The following CLEC11A variants were observed in gnomAD, a reference collection of about 807,000 sequenced individuals.
CLEC11A encodes C-type lectin domain containing 11A.
Under a neutral mutation model 33.9 loss-of-function variants are expected in CLEC11A, and 35 were observed. That is an observed-to-expected ratio of 1.03 (90% CI 0.79 to 1.37). The LOEUF is 1.37. Ranked by LOEUF, CLEC11A falls within the 40% of genes most tolerant of loss-of-function variation. The probability of loss-of-function intolerance (pLI) is 0.00; values close to 1 mark genes in which losing one functional copy is unlikely to be tolerated. For synonymous variants in CLEC11A, 220 were observed against 202.2 expected, an observed-to-expected ratio of 1.09 and a Z score of -0.75; for missense variants, 519 against 455.5, an observed-to-expected ratio of 1.14 and a Z score of -1.27.
chr19:50,724,276 C>A lies in CLEC11A; in HGVS notation c.335-134C>A, dbSNP rs2089165898. 8 of 1,245,108 alleles carry A rather than the reference C, an allele frequency of 6.4e-6. No homozygotes were observed. Among genetic ancestry groups the A allele is most frequent in the Non-Finnish European group, 8.7e-6 (8 of 922,586 alleles). 77.1% of individuals were successfully genotyped at this position (1,245,108 alleles called of 1,614,324 possible). On this transcript the variant is annotated intron_variant, in intron 2 of 3. Transcript: ENST00000250340. This position sits in a 1 kb window ranked among gnomAD's most constrained non-coding sequence, Gnocchi z 4.1. Reference sequence around the variant, plus strand: ...TAAAGGCCTGGGCCACTCGACCCTACCTTCCAGGAGTCCGGGGTGCCCCCC... The same window carrying A: ...TAAAGGCCTGGGCCACTCGACCCTAACTTCCAGGAGTCCGGGGTGCCCCCC...
rs377763237 is a variant in CLEC11A, at chr19:50,724,449, T to A, written c.374T>A (p.Leu125Gln). 1.7e-5 allele frequency: 27 copies of A among 1,559,468 alleles called. No homozygotes were observed. The highest frequency in any genetic ancestry group is 2.3e-5 in the Non-Finnish European group (27 of 1,158,648). ...GGCCTGGACGCAGGCCTGCACCAGCTGCACGTCCGTCTGCACGCGTTGGAC... is the reference window on the plus strand; with the variant it reads ...GGCCTGGACGCAGGCCTGCACCAGCAGCACGTCCGTCTGCACGCGTTGGAC... The part of the protein sequence containing the change: ...LAGLDAGLHQ[L>Q]HVRLHALDTR... Residue 125 changes from leucine to glutamine, a missense_variant, in exon 3 of 4, where the codon CTG (leucine) becomes CAG (glutamine). Physicochemically the swap from Leu to Gln is moderately radical, Grantham distance 113. Coordinates refer to ENST00000250340, the MANE Select transcript of CLEC11A (RefSeq NM_002975.3). The surrounding 1 kb of genome is among the most constrained non-coding windows in gnomAD (Gnocchi z 4.1).
chr19:50,725,222 C>G lies in CLEC11A; in HGVS notation c.727C>G (p.His243Asp). 1 of 1,597,644 alleles carries G rather than the reference C, an allele frequency of 6.3e-7. No homozygotes were observed. ...CAACTGGCCCGTGTGGCTGGGCGTG[C>G]ACGATCGGCGCGCCGAGGGCCTCTA... is the stretch of plus-strand genomic sequence containing the variant. ...PYNWPVWLGV[H>D]DRRAEGLYLF... The change falls in exon 4 of 4, where the codon CAC (histidine) becomes GAC (aspartate). Residue 243 changes from histidine (H) to aspartate (D), a missense_variant. By Grantham distance (81) the His-to-Asp change is moderately conservative (BLOSUM62 -1). Transcript: ENST00000250340.
chr19:50,723,411 C>A lies in CLEC11A; in HGVS notation c.-115C>A, dbSNP rs1396176871. 1.9e-6 allele frequency: 2 copies of A among 1,052,432 alleles called. No individual in the cohort carries two copies. The highest frequency in any genetic ancestry group is 2.8e-6 in the Non-Finnish European group (2 of 702,250). The allele number at this position is 1,052,432 out of a possible 1,614,324, so 65.2% of individuals were successfully genotyped here. A position where few individuals can be genotyped will look rare whatever the true frequency, so the allele number is the denominator to read the frequency against. On this transcript the variant is annotated 5_prime_UTR_variant, in exon 1 of 4. Transcript: ENST00000250340. The surrounding 1 kb of genome is among the most constrained non-coding windows in gnomAD (Gnocchi z 4.1). ...AGAGAGAAGCTGGGAGAATCGGGAA[C>A]CTGGGGGCTAGTGACCTGCACACAG...
In CLEC11A at chr19:50,723,504, T is replaced by C. The variant is rs1246846918; in HGVS notation, c.-22T>C. 8 of 1,611,406 alleles carry C rather than the reference T, an allele frequency of 5.0e-6. No homozygotes were observed. The highest frequency in any genetic ancestry group is 1.1e-5 in the South Asian group (1 of 90,946). ...CCAGACATCCAGACATCTGGAACTT[T>C]GGGTGCCAAGAGTCCAGCTTAATGC... On this transcript the variant is annotated 5_prime_UTR_variant, in exon 1 of 4. Transcript: ENST00000250340. The surrounding 1 kb of genome is among the most constrained non-coding windows in gnomAD (Gnocchi z 4.1).
In CLEC11A at chr19:50,725,113, G is replaced by A. The variant is rs771592326; in HGVS notation, c.618G>A (p.Ala206=). 26 of 1,537,474 alleles carry A rather than the reference G, an allele frequency of 1.7e-5. No homozygotes were observed. The highest frequency in any genetic ancestry group is 1.7e-4 in the Middle Eastern group (1 of 5,910). The change falls in exon 4 of 4, where the codon GCG becomes GCA. Residue 206 remains alanine, a synonymous_variant. Coordinates refer to ENST00000250340, the MANE Select transcript of CLEC11A (RefSeq NM_002975.3). ...CGGCGGCGCAGGCGCGGTGCACGGC[G>A]CGGGGCGGGAGCCTGGCGCAGCCGG... ...AQAAAQARCT[A]RGGSLAQPAD... is the part of the protein sequence containing the mutation.
rs1305205290 is a variant in CLEC11A at position 50,723,861 on chromosome 19, A to G, written c.148-44A>G. On this transcript the variant is annotated intron_variant, in intron 1 of 3. Transcript: ENST00000250340. This position sits in a 1 kb window ranked among gnomAD's most constrained non-coding sequence, Gnocchi z 4.1. ...TGAGTTGGAAAGGGGTGAATGGGGC[A>G]TCTTGGTGGCAGGCTGGGGCTCACC... 3 of 1,582,050 alleles carry G rather than the reference A, an allele frequency of 1.9e-6. No individual in the cohort carries two copies. In the South Asian group the frequency reaches 3.4e-5, roughly 18 times the overall value.
At position 50,725,151 on chromosome 19, in the gene CLEC11A, A is replaced by G. The variant is rs939980763; in HGVS notation, c.656A>G (p.Gln219Arg). 6 of 1,561,472 alleles carry G rather than the reference A, an allele frequency of 3.8e-6. No homozygotes were observed. Among genetic ancestry groups the G allele is most frequent in the South Asian group, 3.5e-5 (3 of 85,326 alleles). The change falls in exon 4 of 4, where the codon CAG becomes CGG. Residue 219 changes from glutamine to arginine, a missense_variant. Physicochemically the swap from Gln to Arg is conservative, Grantham distance 43. Transcript: ENST00000250340. ...CTGGCGCAGCCGGCAGACCGCCAGC[A>G]GATGGAGGCGCTCACTCGGTACCTG... is the stretch of plus-strand genomic sequence containing the variant. ...GSLAQPADRQ[Q>R]MEALTRYLRA...
Position 50,723,777 on chromosome 19 carries a change from C to T in CLEC11A, c.147+105C>T. 2.6e-6 allele frequency: 4 copies of T among 1,530,450 alleles called. No individual in the cohort carries two copies. Among genetic ancestry groups the T allele is most frequent in the Non-Finnish European group, 3.5e-6 (4 of 1,141,154 alleles). The allele number at this position is 1,530,450 out of a possible 1,614,324, so 94.8% of individuals were successfully genotyped here. A position where few individuals can be genotyped will look rare whatever the true frequency, so the allele number is the denominator to read the frequency against. On this transcript the variant is annotated intron_variant, in intron 1 of 3. Transcript: ENST00000250340. This position sits in a 1 kb window ranked among gnomAD's most constrained non-coding sequence, Gnocchi z 4.1. ...CAATGAGGAGCGATTGGGATAGTCT[C>T]AGAGGAGTGGGAGGGTGATGGGCTC...
rs771427477 is a variant in CLEC11A, at chr19:50,723,958, C to G, written c.201C>G (p.Ala67=). Residue 67 remains alanine (A), a synonymous_variant, in exon 2 of 4, where the codon GCC becomes GCG. Transcript: ENST00000250340. The surrounding 1 kb of genome is among the most constrained non-coding windows in gnomAD (Gnocchi z 4.1). ...CTGGGAGGGGGGATGAGAATCCTGCCGGAACTGTTGAGGGAAAAGAGGACT... is the reference window on the plus strand; with the variant it reads ...CTGGGAGGGGGGATGAGAATCCTGCGGGAACTGTTGAGGGAAAAGAGGACT... The part of the protein sequence containing the change: ...LPAGRGDENP[A]GTVEGKEDWE... 1.2e-6 allele frequency: 2 copies of G among 1,613,330 alleles called. No homozygotes were observed. The highest frequency in any genetic ancestry group is 8.5e-7 in the Non-Finnish European group (1 of 1,179,760).
In CLEC11A at chr19:50,724,422, C is replaced by CCGGCCTGGA. The variant is rs2089166989; in HGVS notation, c.350_358dup (p.Gly117_Asp119dup). ...TGTCTGTCCGCAGTGGGCCGCCTGG[C>CCGGCCTGGA]CGGCCTGGACGCAGGCCTGCACCAG... On this transcript the variant is annotated inframe_insertion, in exon 3 of 4. Coordinates refer to ENST00000250340, the MANE Select transcript of CLEC11A (RefSeq NM_002975.3). This position sits in a 1 kb window ranked among gnomAD's most constrained non-coding sequence, Gnocchi z 4.1. The CCGGCCTGGA allele has an allele frequency of 6.6e-7, 1 of 1,513,706 alleles. No individual in the cohort carries two copies. The allele number at this position is 1,513,706 out of a possible 1,614,324, so 93.8% of individuals were successfully genotyped here. A position where few individuals can be genotyped will look rare whatever the true frequency, so the allele number is the denominator to read the frequency against.
In CLEC11A at chr19:50,724,683, G is replaced by T. The variant is rs1568449921; in HGVS notation, c.526+82G>T. 7.6e-7 allele frequency: 1 copy of T among 1,318,566 alleles called. No homozygotes were observed. The highest frequency in any genetic ancestry group is 9.8e-7 in the Non-Finnish European group (1 of 1,016,950). The allele number at this position is 1,318,566 out of a possible 1,614,324, so 81.7% of individuals were successfully genotyped here. On this transcript the variant is annotated intron_variant, in intron 3 of 3. Coordinates refer to ENST00000250340, the MANE Select transcript of CLEC11A (RefSeq NM_002975.3). The surrounding 1 kb of genome is among the most constrained non-coding windows in gnomAD (Gnocchi z 4.1). ...ACTGGTTGAGAAGGTGACCCTAGGT[G>T]TCCGGGGCGGGAGAGTTCGGGAGAG... is the stretch of plus-strand genomic sequence containing the variant.
Position 50,724,471 on chromosome 19 carries a change from G to T in CLEC11A, c.396G>T (p.Leu132Phe). 6.3e-7 allele frequency: 1 copy of T among 1,577,136 alleles called. No individual in the cohort carries two copies. ...AGCTGCACGTCCGTCTGCACGCGTTGGACACCCGCGTGGTCGAGCTGACCC... is the reference window on the plus strand; with the variant it reads ...AGCTGCACGTCCGTCTGCACGCGTTTGACACCCGCGTGGTCGAGCTGACCC... ...LHQLHVRLHA[L>F]DTRVVELTQG... The change falls in exon 3 of 4, where the codon TTG becomes TTT. Residue 132 changes from leucine (L) to phenylalanine (F), a missense_variant. Transcript: ENST00000250340. This position sits in a 1 kb window ranked among gnomAD's most constrained non-coding sequence, Gnocchi z 4.1.
chr19:50,724,324 A>C lies in CLEC11A; in HGVS notation c.335-86A>C. On this transcript the variant is annotated intron_variant, in intron 2 of 3. Coordinates refer to ENST00000250340, the MANE Select transcript of CLEC11A (RefSeq NM_002975.3). The surrounding 1 kb of genome is among the most constrained non-coding windows in gnomAD (Gnocchi z 4.1). ...CCCCCACCGCCACCCCGCCCTCAGG[A>C]GCCCTAGATCCCAGTTCTCCAGGTC... 4 of 565,126 alleles carry C rather than the reference A, an allele frequency of 7.1e-6. No homozygotes were observed. Among genetic ancestry groups the C allele is most frequent in the Non-Finnish European group, 8.3e-6 (3 of 361,678 alleles). The allele number at this position is 565,126 out of a possible 1,614,324, so 35.0% of individuals were successfully genotyped here. A position where few individuals can be genotyped will look rare whatever the true frequency, so the allele number is the denominator to read the frequency against.
chr19:50,724,001 CA>C lies in CLEC11A; in HGVS notation c.245del (p.Gln82ArgfsTer58), dbSNP rs2089163232. 8 of 1,612,542 alleles carry C rather than the reference CA, an allele frequency of 5.0e-6. No homozygotes were observed. The East Asian group carries it at 1.1e-4, about 22-fold the overall frequency. ...AGAGGACTGGGAGATGGAGGAGGACCAGGGGGAGGAAGAGGAGGAGGAAGCA... is the reference window on the plus strand; with the variant it reads ...AGAGGACTGGGAGATGGAGGAGGACCGGGGGAGGAAGAGGAGGAGGAAGCA... The part of the protein sequence containing the change: ...GKEDWEMEED[Q>X]GEEEEEEATP... On this transcript the variant is annotated frameshift_variant, in exon 2 of 4. Transcript: ENST00000250340. LOFTEE classifies it high-confidence loss of function. The surrounding 1 kb of genome is among the most constrained non-coding windows in gnomAD (Gnocchi z 4.1).
chr19:50,725,092 G>T lies in CLEC11A; in HGVS notation c.597G>T (p.Ala199=). Residue 199 remains alanine, a synonymous_variant, in exon 4 of 4, where the codon GCG becomes GCT. Coordinates refer to ENST00000250340, the MANE Select transcript of CLEC11A (RefSeq NM_002975.3). The part of the protein sequence containing the change: ...LLSRDFEAQA[A]AQARCTARGG... ...CGCGCGACTTCGAAGCTCAGGCGGC[G>T]GCGCAGGCGCGGTGCACGGCGCGGG... is the stretch of plus-strand genomic sequence containing the variant. 1 of 1,521,728 alleles carries T rather than the reference G, an allele frequency of 6.6e-7. No homozygotes were observed. The allele number at this position is 1,521,728 out of a possible 1,614,324, so 94.3% of individuals were successfully genotyped here.
rs1305373688 is a variant in CLEC11A, at chr19:50,723,897, T to G, written c.148-8T>G. ...AGGCTGGGGCTCACCACCCCTCCCC[T>G]GCCCCAGCATCTGCAGGAAGCCCTA... On this transcript the variant is annotated splice_region_variant and splice_polypyrimidine_tract_variant and intron_variant, in intron 1 of 3. Coordinates refer to ENST00000250340, the MANE Select transcript of CLEC11A (RefSeq NM_002975.3). This position sits in a 1 kb window ranked among gnomAD's most constrained non-coding sequence, Gnocchi z 4.1. The G allele has an allele frequency of 1.9e-6, 3 of 1,603,028 alleles. No individual in the cohort carries two copies. Among genetic ancestry groups the G allele is most frequent in the Non-Finnish European group, 2.6e-6 (3 of 1,174,460 alleles).
At position 50,724,136 on chromosome 19, in the gene CLEC11A, G is replaced by C. The variant is rs758516738; in HGVS notation, c.334+45G>C. On this transcript the variant is annotated intron_variant, in intron 2 of 3. Transcript: ENST00000250340. This position sits in a 1 kb window ranked among gnomAD's most constrained non-coding sequence, Gnocchi z 4.1. Reference sequence around the variant, plus strand: ...CACCCCCAAACTCCTAGGCCGCCGCGGTCACTTTCGCAAAAATGAAGGGTC... The same window carrying C: ...CACCCCCAAACTCCTAGGCCGCCGCCGTCACTTTCGCAAAAATGAAGGGTC... 1.2e-6 allele frequency: 2 copies of C among 1,602,964 alleles called. No homozygotes were observed. Among genetic ancestry groups the C allele is most frequent in the African/African-American group, 2.7e-5 (2 of 73,786 alleles).
chr19:50,724,912 C>G lies in CLEC11A; in HGVS notation c.527-110C>G. ...TGACCACGCCTCCTCCCAGCCCTCC[C>G]CATGAGTTCCTGGCCCCGCCTCCCT... On this transcript the variant is annotated intron_variant, in intron 3 of 3. Transcript: ENST00000250340. The surrounding 1 kb of genome is among the most constrained non-coding windows in gnomAD (Gnocchi z 4.1). The G allele has an allele frequency of 1.4e-6, 2 of 1,415,178 alleles. No individual in the cohort carries two copies. Among genetic ancestry groups the G allele is most frequent in the Admixed American group, 3.1e-5 (1 of 31,812 alleles). 87.7% of individuals were successfully genotyped at this position (1,415,178 alleles called of 1,614,324 possible).
In CLEC11A at chr19:50,724,598, G is replaced by A. The variant is rs71355166; in HGVS notation, c.523G>A (p.Glu175Lys). 24 of 1,409,922 alleles carry A rather than the reference G, an allele frequency of 1.7e-5. No homozygotes were observed. The highest frequency in any genetic ancestry group is 3.0e-5 in the Admixed American group (1 of 33,536). The allele number at this position is 1,409,922 out of a possible 1,614,324, so 87.3% of individuals were successfully genotyped here. The part of the protein sequence containing the change: ...GRAEREHGRL[E>K]GCLKGLRLGH... ...CGCCGAGCGCGAGCACGGCCGCTTG[G>A]AGGGTGAGTCCGCGGCGCGCGGGGT... The change falls in exon 3 of 4, where the codon GAG becomes AAG. Residue 175 changes from glutamate (E) to lysine (K), a missense_variant. Transcript: ENST00000250340. This position sits in a 1 kb window ranked among gnomAD's most constrained non-coding sequence, Gnocchi z 4.1.
Sources: allele counts gnomAD v4.1 joint callset, GRCh38; gene constraint gnomAD v4.1.1; non-coding constraint Gnocchi (gnomAD v3.1); transcripts MANE v1.5; gene names NCBI Gene and HGNC (gene_info 2026-07-23, HGNC 2026-07-21).